FAM107B: variants seen among roughly 807,000 people sequenced by gnomAD.
FAM107B encodes the protein protein FAM107B.
A neutral mutation model predicts 31.5 loss-of-function variants in FAM107B; 21 were observed. The observed-to-expected ratio is 0.67, with a 90% CI of 0.47 to 0.96. The LOEUF (loss-of-function observed/expected upper bound fraction) is 0.96. Ranked by LOEUF, FAM107B falls within the 40% of genes least tolerant of loss-of-function variation. The pLI is 0.00. For missense variants in FAM107B, 452 were observed against 377.1 expected (o/e 1.20, Z -1.64); for synonymous variants, 157 against 141.5 (o/e 1.11, Z -0.78).
Position 14,527,999 on chromosome 10 carries a change from CTTT to C in FAM107B, c.653+2330_653+2332del, listed in dbSNP as rs57985098. ...CATTTCATTTTGAAATCTGCCTTTT[CTTT>C]TTTTTTTTTTTAATGTATTTCCAAC... On this transcript the variant is annotated intron_variant, in intron 3 of 4. Coordinates refer to ENST00000181796, the MANE Select transcript of FAM107B (RefSeq NM_031453.4). 3.8e-3 allele frequency: 1,177 copies of C among 306,438 alleles called. 1 individual carries two copies. The highest frequency in any genetic ancestry group is 5.8e-3 in the South Asian group (239 of 41,056). The allele number at this position is 306,438 out of a possible 1,614,324, so 19.0% of individuals were successfully genotyped here. A position where few individuals can be genotyped will look rare whatever the true frequency, so the allele number is the denominator to read the frequency against.
chr10:14,577,232 C>G (rs1166350096), intron 2 of FAM107B, among the ~76,000 whole-genome samples: 1 of 152,212 alleles, frequency 6.6e-6, no homozygotes, highest in Non-Finnish European at 1.5e-5. Context: ...TCCTTCCATT[C>G]TCTGACAGAA....
intron 1 of FAM107B, among the ~76,000 whole-genome samples, chr10:14,675,480 G>C (rs1280870153): frequency 6.6e-6 from 1 of 152,032 alleles, no homozygotes; most frequent in Non-Finnish European, 1.5e-5. Context: ...GTCATCCAAG[G>C]CCTGGTTCCA....
chr10:14,642,170 T>C (rs1179987705), intron 2 of FAM107B, among the ~76,000 whole-genome samples: 1 of 152,218 alleles, frequency 6.6e-6, no homozygotes, highest in Non-Finnish European at 1.5e-5. Flanking sequence ...CAAATCCTAT[T>C]AGATCTTAAG....
intron 2 of FAM107B, among the ~76,000 whole-genome samples, chr10:14,656,414 T>C (rs2131456046): frequency 6.6e-6 from 1 of 152,346 alleles, no homozygotes; most frequent in Non-Finnish European, 1.5e-5. Context: ...TTTTCTCTCT[T>C]GGGAGGCTTT....
chr10:14,552,740 A>T (rs1849373233), intron 2 of FAM107B, among the ~76,000 whole-genome samples: 1 of 152,146 alleles, frequency 6.6e-6, no homozygotes, highest in Non-Finnish European at 1.5e-5. Context: ...GAGGCCCGAG[A>T]AAAGCTTGAA....
intron 2 of FAM107B, among the ~76,000 whole-genome samples, chr10:14,638,398 C>T (rs1853554587): frequency 6.6e-6 from 1 of 152,086 alleles, no homozygotes; most frequent in Admixed American, 6.6e-5. Flanking sequence ...CATTATGCTC[C>T]CTTCTCTTTG....
At chr10:14,561,163 T>C (rs188094895) in intron 2 of FAM107B, among the ~76,000 whole-genome samples, 16 of 152,292 alleles carry the variant, frequency 1.1e-4, no homozygotes, top group Non-Finnish European at 2.1e-4. Flanking sequence ...ATTCATCAAG[T>C]ATTTAGTCTG....
At position 14,530,336 on chromosome 10, in the gene FAM107B, T is replaced by G. The variant is rs1846821225; in HGVS notation, c.649A>C (p.Lys217Gln). ...ATGCTCAAGAAACCATTTTACCTTT[T>G]TTGATTCATAAGAAGTTCTCTGTGA... is the stretch of plus-strand genomic sequence containing the variant. ...DLHRELLMNQ[K>Q]RGLAPQNKPE... The change falls in exon 3 of 5, where the codon AAA (lysine) becomes CAA (glutamine). Residue 217 changes from lysine to glutamine, a missense_variant. Coordinates refer to ENST00000181796, the MANE Select transcript of FAM107B (RefSeq NM_031453.4). 6.2e-7 allele frequency: 1 copy of G among 1,603,186 alleles called. No individual in the cohort carries two copies. The highest frequency in any genetic ancestry group is 8.5e-7 in the Non-Finnish European group (1 of 1,177,342).
At chr10:14,626,751 C>T (rs1402291626) in intron 2 of FAM107B, among the ~76,000 whole-genome samples, 1 of 152,046 alleles carries the variant, frequency 6.6e-6, no homozygotes, top group Non-Finnish European at 1.5e-5. Context: ...GATCTGCCCG[C>T]CTGAGATGGA....
At chr10:14,531,513 C>T (rs1348451397) in intron 2 of FAM107B, among the ~76,000 whole-genome samples, 1 of 135,628 alleles carries the variant, frequency 7.4e-6, no homozygotes, top group African/African-American at 2.8e-5. Context: ...AGAGCAAGAG[C>T]AAGACCTCAT....
At chr10:14,605,995 C>A (rs1002903079) in intron 2 of FAM107B, among the ~76,000 whole-genome samples, 1 of 152,184 alleles carries the variant, frequency 6.6e-6, no homozygotes, top group Non-Finnish European at 1.5e-5. Flanking sequence ...CTAACACATG[C>A]TTTTCCTCTC....
chr10:14,523,795 T>C (rs1845918247), intron 3 of FAM107B, among the ~76,000 whole-genome samples: 1 of 152,124 alleles, frequency 6.6e-6, no homozygotes, highest in South Asian at 2.1e-4. Flanking sequence ...ATCTCTCCTA[T>C]CTAGATGTTT....
At chr10:14,641,557 T>C (rs1440337872) in intron 2 of FAM107B, among the ~76,000 whole-genome samples, 3 of 152,198 alleles carry the variant, frequency 2.0e-5, no homozygotes, top group Non-Finnish European at 4.4e-5. Context: ...AGGACTCACT[T>C]CTTGGCTTGT....
chr10:14,649,438 A>G (rs1853844344), intron 2 of FAM107B, among the ~76,000 whole-genome samples: 1 of 152,194 alleles, frequency 6.6e-6, no homozygotes, highest in African/African-American at 2.4e-5. Flanking sequence ...AAAGTCTGTT[A>G]AGAAACATTT....
At chr10:14,683,861 A>T (rs901255657) in intron 1 of FAM107B, among the ~76,000 whole-genome samples, 6 of 152,232 alleles carry the variant, frequency 3.9e-5, no homozygotes, top group African/African-American at 1.4e-4. Flanking sequence ...GAGGCTACAC[A>T]TGCATGTCCC....
At chr10:14,737,323 A>G (rs1446752087) in intron 1 of FAM107B, among the ~76,000 whole-genome samples, 1 of 152,094 alleles carries the variant, frequency 6.6e-6, no homozygotes, top group Non-Finnish European at 1.5e-5. Context: ...TTTCCTCTCC[A>G]TAGAAAAAAC....
intron 2 of FAM107B, among the ~76,000 whole-genome samples, chr10:14,640,928 T>A (rs967956666): frequency 2.0e-5 from 3 of 152,230 alleles, no homozygotes; most frequent in African/African-American, 7.2e-5. Flanking sequence ...AAAGAAGTTT[T>A]AATCTAGATT....
At chr10:14,684,759 C>G (rs1236105316) in intron 1 of FAM107B, among the ~76,000 whole-genome samples, 2 of 152,100 alleles carry the variant, frequency 1.3e-5, no homozygotes, top group African/African-American at 4.8e-5. Flanking sequence ...CTACCTAGTA[C>G]CTCTCCATTT....
At chr10:14,705,677 A>T (rs1281899061) in intron 1 of FAM107B, among the ~76,000 whole-genome samples, 1 of 152,112 alleles carries the variant, frequency 6.6e-6, no homozygotes, top group East Asian at 1.9e-4. Context: ...ATGCATAGAG[A>T]GAACAAGCAG....
Sources: allele counts gnomAD v4.1 joint callset (sites outside exome capture counted in the v4.1 genomes callset), GRCh38; gene constraint gnomAD v4.1.1; transcripts MANE v1.5; gene names NCBI Gene and HGNC (gene_info 2026-07-23, HGNC 2026-07-21).